The following PRDM16 variants were observed in gnomAD, a reference collection of about 807,000 sequenced individuals.
PRDM16 encodes the protein PR/SET domain 16.
A neutral mutation model predicts 110.6 loss-of-function variants in PRDM16; 23 were observed. That is an observed-to-expected ratio of 0.21 (90% CI 0.15 to 0.29). PRDM16 has a LOEUF of 0.29. Ranked by LOEUF, PRDM16 falls within the 10% of genes least tolerant of loss-of-function variation. The probability of loss-of-function intolerance (pLI) is 1.00; values close to 1 mark genes in which losing one functional copy is unlikely to be tolerated. For synonymous variants in PRDM16, 799 were observed against 781.8 expected (o/e 1.02, Z -0.37); for missense variants, 1,615 against 1,794.3 (o/e 0.90, Z 1.81).
At chr1:3,221,349 G>T (rs16823529) in intron 2 of PRDM16, among the ~76,000 whole-genome samples, 1 of 152,190 alleles carries the variant, frequency 6.6e-6, no homozygotes. Flanking sequence ...CCGGTTCAGC[G>T]TAACAGAGAC....
intron 3 of PRDM16, among the ~76,000 whole-genome samples, chr1:3,286,557 G>T (rs12068687): frequency 0.083 from 12,593 of 152,140 alleles, 1,658 homozygotes; most frequent in African/African-American, 0.28. Flanking sequence ...TGACATGCAG[G>T]AGAGGAGAAA....
intron 3 of PRDM16, among the ~76,000 whole-genome samples, chr1:3,254,838 C>T (rs1169305773): frequency 2.6e-5 from 4 of 152,054 alleles, no homozygotes; most frequent in East Asian, 1.9e-4. Context: ...AAAAAGAGCC[C>T]GCATCTCCAA....
chr1:3,285,053 C>T (rs1470796600), intron 3 of PRDM16, among the ~76,000 whole-genome samples: 1 of 152,194 alleles, frequency 6.6e-6, no homozygotes, highest in African/African-American at 2.4e-5. Context: ...GTGCCCTGGA[C>T]GGGGTGCAAG....
At position 3,394,046 on chromosome 1, in the gene PRDM16, T is replaced by TCC. The variant is rs1009205703; in HGVS notation, c.574-2441_574-2440dup. Among the ~76,000 whole-genome samples the TCC allele has an allele frequency of 5.4e-5, 8 of 148,276 alleles. 1 individual carries two copies. Among genetic ancestry groups the TCC allele is most frequent in the Admixed American group, 2.0e-4 (3 of 14,996 alleles). On this transcript the variant is annotated intron_variant, in intron 4 of 16. Transcript: ENST00000270722. ...GCAGTGTCCGCGCCGGAGGGGAGGG[T>TCC]CCCCCGGCAAGTCTGCTGCCCTCGG...
intron 1 of PRDM16, among the ~76,000 whole-genome samples, chr1:3,078,913 T>C (rs921115608): frequency 1.8e-4 from 27 of 152,242 alleles, no homozygotes; most frequent in African/African-American, 6.0e-4. Context: ...CCCAGACATT[T>C]CTCTCTGCCC....
chr1:3,418,772 G>T (rs779440129), intron 12 of PRDM16, 28 bp downstream of exon 12: 14 of 1,583,346 alleles, frequency 8.8e-6, no homozygotes, highest in Non-Finnish European at 1.2e-5. Context: ...TGGGTGTGGG[G>T]GCGGGGCCGC....
chr1:3,097,395 A>C (rs1329096119), intron 1 of PRDM16, among the ~76,000 whole-genome samples: 1 of 152,190 alleles, frequency 6.6e-6, no homozygotes, highest in Non-Finnish European at 1.5e-5. Flanking sequence ...CAGTGAGCAG[A>C]GTCATTGTGC....
At chr1:3,269,169 C>T (rs774381782) in intron 3 of PRDM16, among the ~76,000 whole-genome samples, 9 of 152,264 alleles carry the variant, frequency 5.9e-5, no homozygotes, top group Non-Finnish European at 1.2e-4. Flanking sequence ...TTCTCAGGAC[C>T]GAGGCTGGTT....
Position 3,414,586 on chromosome 1 carries a change from A to T in PRDM16, c.2630A>T (p.Asp877Val). 6.2e-7 allele frequency: 1 copy of T among 1,613,098 alleles called. No homozygotes were observed. Among genetic ancestry groups the T allele is most frequent in the African/African-American group, 1.3e-5 (1 of 74,868 alleles). Reference protein sequence around the residue: ...YSRVEKRKVTDPVGALKEKYL... With the variant: ...YSRVEKRKVTVPVGALKEKYL... ...AGGGTAGAAAAGCGGAAGGTCACAG[A>T]CCCCGTGGGAGCCCTGAAGGAGAAG... The change falls in exon 10 of 17, where the codon GAC becomes GTC. Residue 877 changes from aspartate (D) to valine (V), a missense_variant. Coordinates refer to ENST00000270722, the MANE Select transcript of PRDM16 (RefSeq NM_022114.4).
intron 1 of PRDM16, among the ~76,000 whole-genome samples, chr1:3,146,762 AGG>A (rs1643668875): frequency 5.7e-5 from 1 of 17,394 alleles, no homozygotes; most frequent in Non-Finnish European, 1.1e-4. Flanking sequence ...TGCTCGGTGT[AGG>A]GGGTGTGTGT....
At chr1:3,426,513 C>T (rs1216957587) in intron 14 of PRDM16, among the ~76,000 whole-genome samples, 1 of 152,138 alleles carries the variant, frequency 6.6e-6, no homozygotes, top group Non-Finnish European at 1.5e-5. Flanking sequence ...GGTGACCGAG[C>T]CGGGCACAAG....
intron 1 of PRDM16, among the ~76,000 whole-genome samples, chr1:3,128,264 C>A (rs550767186): frequency 6.6e-6 from 1 of 152,006 alleles, no homozygotes; most frequent in Non-Finnish European, 1.5e-5. Flanking sequence ...AAGAGGCAGC[C>A]GTGGGAATCT....
chr1:3,416,501 CT>C (rs1317938184), intron 10 of PRDM16, among the ~76,000 whole-genome samples: 1 of 152,190 alleles, frequency 6.6e-6, no homozygotes, highest in Non-Finnish European at 1.5e-5. Context: ...ACCTGCCCTT[CT>C]CCTCACCCCC....
intron 1 of PRDM16, among the ~76,000 whole-genome samples, chr1:3,070,574 C>T (rs1426978753): frequency 6.8e-6 from 1 of 148,036 alleles, no homozygotes; most frequent in Non-Finnish European, 1.5e-5. Flanking sequence ...GCCCGGGCCG[C>T]TCCCCTCGAG....
chr1:3,349,380 C>T (rs371467374), intron 3 of PRDM16, among the ~76,000 whole-genome samples: 177 of 152,312 alleles, frequency 1.2e-3, no homozygotes, highest in Middle Eastern at 6.8e-3. Flanking sequence ...AGGTCATCGC[C>T]GAAGCTGCTG....
rs1374718359 is a variant in PRDM16, at chr1:3,246,258, G to T, written c.438+2121G>T. Reference sequence around the variant, plus strand: ...TTCTTGAGAGCGGCTCCCGGGGTGGGCATGAGATGCTGTCCAGCCAGGGGC... The same window carrying T: ...TTCTTGAGAGCGGCTCCCGGGGTGGTCATGAGATGCTGTCCAGCCAGGGGC... On this transcript the variant is annotated intron_variant, in intron 3 of 16. Transcript: ENST00000270722. This position sits in a 1 kb window ranked among gnomAD's most constrained non-coding sequence, Gnocchi z 5.2. Among the ~76,000 whole-genome samples the T allele has an allele frequency of 6.6e-6, 1 of 152,154 alleles. No individual in the cohort carries two copies. Among genetic ancestry groups the T allele is most frequent in the African/African-American group, 2.4e-5 (1 of 41,438 alleles).
Position 3,208,724 on chromosome 1 carries a change from AGGTGTCTGCCT to A in PRDM16, c.387+22253_387+22263del, listed in dbSNP as rs1241282139. The A allele has an allele frequency of 6.6e-6, 1 of 152,092 alleles. No individual in the cohort carries two copies. The highest frequency in any genetic ancestry group is 2.4e-5 in the African/African-American group (1 of 41,364). The allele number at this position is 152,092 out of a possible 1,614,324, so 9.4% of individuals were successfully genotyped here. ...GAAAGTGTCTCCAGATATCTCCGCC[AGGTGTCTGCCT>A]GGGCAGCAGAGTTGCTGTAATGGAG... On this transcript the variant is annotated intron_variant, in intron 2 of 16. Coordinates refer to ENST00000270722, the MANE Select transcript of PRDM16 (RefSeq NM_022114.4). The surrounding 1 kb of genome is among the most constrained non-coding windows in gnomAD (Gnocchi z 6.1).
intron 3 of PRDM16, among the ~76,000 whole-genome samples, chr1:3,328,567 C>T (rs2100481161): frequency 6.6e-6 from 1 of 152,258 alleles, no homozygotes; most frequent in African/African-American, 2.4e-5. Context: ...GCCGAGGGGT[C>T]CTGTCTGGGC....
intron 3 of PRDM16, chr1:3,307,072 A>C (rs2100404748): frequency 6.6e-6 from 1 of 152,348 alleles, no homozygotes; most frequent in South Asian, 2.1e-4. Context: ...GTGCTTATCC[A>C]TCCATCCACT....
Sources: gnomAD v4.1 joint callset for allele counts (sites outside exome capture counted in the v4.1 genomes callset) on GRCh38, gnomAD v4.1.1 for gene constraint, Gnocchi (gnomAD v3.1) non-coding constraint, MANE v1.5 for transcripts, NCBI Gene and HGNC (gene_info 2026-07-23, HGNC 2026-07-21) for gene names.